Variants in RBFOX3 observed in about 807,000 individuals in gnomAD.
The protein encoded by RBFOX3 is RNA binding fox-1 homolog 3.
In RBFOX3, 17 loss-of-function variants were observed where a neutral mutation model predicts 48.7. That is an observed-to-expected ratio of 0.35 (90% CI 0.24 to 0.52). The LOEUF is 0.52. Ranked by LOEUF, RBFOX3 falls within the 20% of genes least tolerant of loss-of-function variation. RBFOX3 has a pLI of 0.94. For synonymous variants in RBFOX3, 212 were observed against 209.5 expected, an observed-to-expected ratio of 1.01 and a Z score of -0.10; for missense variants, 382 against 497.5, an observed-to-expected ratio of 0.77 and a Z score of 2.21.
At chr17:79,349,405 C>G (rs2083468263) in intron 2 of RBFOX3, among the ~76,000 whole-genome samples, 1 of 152,004 alleles carries the variant, frequency 6.6e-6, no homozygotes, top group Non-Finnish European at 1.5e-5. Flanking sequence ...TGCTATTGCT[C>G]CTGCTTCTGT....
Position 79,237,572 on chromosome 17 carries a change from AAC to A in RBFOX3, c.-73-1769_-73-1768del, listed in dbSNP as rs2061782969. ...GAGGCGAGAATGAACGTGGCCACAGAACACCAAAATGCACAGGGCCTGCCTTC... is the reference window on the plus strand; with the variant it reads ...GAGGCGAGAATGAACGTGGCCACAGAACCAAAATGCACAGGGCCTGCCTTC... On this transcript the variant is annotated intron_variant, in intron 3 of 14. Transcript: ENST00000693108. Among the ~76,000 whole-genome samples, 3 of 152,358 alleles carry A rather than the reference AAC, an allele frequency of 2.0e-5. No homozygotes were observed. The South Asian group carries it at 6.2e-4, about 32-fold the overall frequency.
chr17:79,553,246 C>T (rs1271345610), intron 1 of RBFOX3, among the ~76,000 whole-genome samples: 3 of 152,156 alleles, frequency 2.0e-5, no homozygotes, highest in Admixed American at 1.3e-4. Context: ...TGTTAATTCT[C>T]TTTATATTAA....
intron 2 of RBFOX3, among the ~76,000 whole-genome samples, chr17:79,457,508 A>G (rs545942988): frequency 5.3e-5 from 8 of 152,320 alleles, no homozygotes; most frequent in African/African-American, 1.4e-4. Context: ...TGTCCTGCTC[A>G]ACATCCCAGC....
chr17:79,597,421 G>A (rs1444561680), intron 1 of RBFOX3, among the ~76,000 whole-genome samples: 20 of 152,302 alleles, frequency 1.3e-4, no homozygotes, highest in African/African-American at 4.8e-4. Context: ...GAAAGAGGAG[G>A]CACAGGGGAA....
intron 1 of RBFOX3, among the ~76,000 whole-genome samples, chr17:79,609,758 G>A (rs1360894620): frequency 2.0e-5 from 3 of 148,728 alleles, no homozygotes; most frequent in African/African-American, 7.4e-5. Flanking sequence ...TCCCCGCACC[G>A]ACACTGCAGG....
chr17:79,456,121 C>A (rs1339473251), intron 2 of RBFOX3, among the ~76,000 whole-genome samples: 1 of 152,084 alleles, frequency 6.6e-6, no homozygotes, highest in Non-Finnish European at 1.5e-5. Context: ...CCAGCCCAAG[C>A]CTGAAGGACA....
intron 1 of RBFOX3, among the ~76,000 whole-genome samples, chr17:79,533,642 G>C (rs1235296618): frequency 2.6e-5 from 4 of 152,250 alleles, no homozygotes; most frequent in African/African-American, 9.6e-5. Context: ...AAGCTCTCAG[G>C]GTGTGGCCCC....
chr17:79,232,699 G>A (rs960634117), intron 4 of RBFOX3, among the ~76,000 whole-genome samples: 3 of 151,930 alleles, frequency 2.0e-5, no homozygotes, highest in Non-Finnish European at 2.9e-5. Context: ...AAGCATAGGC[G>A]AAAAAAAATC....
intron 4 of RBFOX3, among the ~76,000 whole-genome samples, chr17:79,123,168 CAAT>C (rs2036214917): frequency 6.6e-6 from 1 of 152,022 alleles, no homozygotes; most frequent in East Asian, 1.9e-4. Context: ...TGACTATAGT[CAAT>C]AATAACTTAA....
chr17:79,252,465 C>T lies in RBFOX3; in HGVS notation c.-73-16660G>A, dbSNP rs375228351. On this transcript the variant is annotated intron_variant, in intron 3 of 14. Coordinates refer to ENST00000693108, the MANE Select transcript of RBFOX3 (RefSeq NM_001350451.2). The surrounding 1 kb of genome is among the most constrained non-coding windows in gnomAD (Gnocchi z 4.0). ...TCTGACCCTCCCTCTCTTCCTCCCC[C>T]ATCCTCCAATCCATCATTGACTGTC... Among the ~76,000 whole-genome samples the T allele has an allele frequency of 2.0e-4, 30 of 152,298 alleles. No homozygotes were observed. The highest frequency in any genetic ancestry group is 6.5e-4 in the African/African-American group (27 of 41,570).
chr17:79,592,045 ATG>A (rs1180625333), intron 1 of RBFOX3, among the ~76,000 whole-genome samples: 3 of 147,952 alleles, frequency 2.0e-5, no homozygotes, highest in Admixed American at 6.7e-5. Context: ...ATGTATGTGT[ATG>A]TGTGTGGGTG....
chr17:79,398,594 C>T (rs1050297715), intron 2 of RBFOX3, among the ~76,000 whole-genome samples: 4 of 152,164 alleles, frequency 2.6e-5, no homozygotes, highest in African/African-American at 9.7e-5. Context: ...TGGGTGGAGG[C>T]CAGGGGTGCT....
At chr17:79,225,682 A>G (rs76747731) in intron 4 of RBFOX3, among the ~76,000 whole-genome samples, 2,284 of 152,284 alleles carry the variant, frequency 0.015, 60 homozygotes, top group African/African-American at 0.052. Context: ...GAGGACCCAC[A>G]GACCCCAGCT....
At chr17:79,094,557 GGAGGAGGGTGGGGGAGGGGGGCAGGT>G in intron 13 of RBFOX3, 28 bp from the exon 14 acceptor site, 1 of 579,814 alleles carries the variant, frequency 1.7e-6, no homozygotes, top group Non-Finnish European at 2.5e-6. Flanking sequence ...AGGGGGAGTG[GGAGGAGGGTGGGGGAGGGGGGCAGGT>G]GAGGGGCAGC....
At chr17:79,439,933 T>C (rs979782006) in intron 2 of RBFOX3, among the ~76,000 whole-genome samples, 1 of 152,150 alleles carries the variant, frequency 6.6e-6, no homozygotes, top group African/African-American at 2.4e-5. Flanking sequence ...GGCACACATG[T>C]GCAGACGGGA....
rs12944984 is a variant in RBFOX3 at position 79,535,629 on chromosome 17, C to T, written c.-319-53031G>A. 3.3e-5 allele frequency among the ~76,000 whole-genome samples: 5 copies of T among 152,018 alleles called. No homozygotes were observed. The highest frequency in any genetic ancestry group is 7.3e-5 in the African/African-American group (3 of 41,342). On this transcript the variant is annotated intron_variant, in intron 1 of 14. Coordinates refer to ENST00000693108, the MANE Select transcript of RBFOX3 (RefSeq NM_001350451.2). The surrounding 1 kb of genome is among the most constrained non-coding windows in gnomAD (Gnocchi z 4.5). ...GGTCCTGGCCAGACCACATTCTGGG[C>T]GGACAAGGCAGGATAGCCAGCCCAC...
intron 2 of RBFOX3, among the ~76,000 whole-genome samples, chr17:79,426,300 G>A (rs1347001584): frequency 6.6e-6 from 1 of 152,184 alleles, no homozygotes; most frequent in Non-Finnish European, 1.5e-5. Context: ...GATGGCTGTC[G>A]CAGGTGCTGG....
intron 4 of RBFOX3, among the ~76,000 whole-genome samples, chr17:79,183,096 A>G (rs1422617715): frequency 1.4e-5 from 2 of 146,508 alleles, no homozygotes; most frequent in East Asian, 4.2e-4. Flanking sequence ...GCCGCCGCGC[A>G]GGGGCGCAGT....
chr17:79,219,534 C>T (rs980251552), intron 4 of RBFOX3, among the ~76,000 whole-genome samples: 1 of 152,170 alleles, frequency 6.6e-6, no homozygotes, highest in Non-Finnish European at 1.5e-5. Flanking sequence ...TGCTTGGCCT[C>T]GCCTGGTACT....
Sources: gnomAD v4.1 joint callset for allele counts (sites outside exome capture counted in the v4.1 genomes callset) on GRCh38, gnomAD v4.1.1 for gene constraint, Gnocchi (gnomAD v3.1) non-coding constraint, MANE v1.5 for transcripts, NCBI Gene and HGNC (gene_info 2026-07-23, HGNC 2026-07-21) for gene names.